Variants in TMCC3 observed in about 807,000 individuals in gnomAD.
The protein encoded by TMCC3 is transmembrane and coiled-coil domain protein 3.
TMCC3 carries 28 observed loss-of-function variants against 40.2 expected under a neutral mutation model. The observed-to-expected ratio is 0.70, with a 90% confidence interval of 0.52 to 0.95. TMCC3 has a LOEUF of 0.95. Ranked by LOEUF, TMCC3 falls within the 40% of genes least tolerant of loss-of-function variation. The probability of loss-of-function intolerance (pLI) is 0.00; values close to 1 mark genes in which losing one functional copy is unlikely to be tolerated. For synonymous variants in TMCC3, 255 were observed against 248.5 expected (o/e 1.03, Z -0.25); for missense variants, 554 against 615.2 (o/e 0.90, Z 1.05).
intron 3 of TMCC3, among the ~76,000 whole-genome samples, chr12:94,574,974 T>C (rs528614123): frequency 1.3e-5 from 2 of 152,318 alleles, no homozygotes; most frequent in Non-Finnish European, 2.9e-5. Flanking sequence ...TCCAAGGAAT[T>C]TGAGTCACAG....
intron 3 of TMCC3, among the ~76,000 whole-genome samples, chr12:94,572,669 C>T (rs992455582): frequency 2.0e-5 from 3 of 152,096 alleles, no homozygotes; most frequent in Non-Finnish European, 4.4e-5. Flanking sequence ...TTGGTGCCAT[C>T]AGGGACAAAG....
chr12:94,627,103 C>A (rs1173034838), intron 1 of TMCC3, among the ~76,000 whole-genome samples: 1 of 152,162 alleles, frequency 6.6e-6, no homozygotes, highest in Non-Finnish European at 1.5e-5. Context: ...CTCAAGTGAT[C>A]TGCCCACCTC....
chr12:94,578,454 C>G lies in TMCC3; in HGVS notation c.1071G>C (p.Glu357Asp). Residue 357 changes from glutamate to aspartate, a missense_variant, in exon 3 of 4, where the codon GAG (glutamate) becomes GAC (aspartate). By Grantham distance (45) the Glu-to-Asp change is conservative (BLOSUM62 2). Coordinates refer to ENST00000261226, the MANE Select transcript of TMCC3 (RefSeq NM_020698.4). Reference protein sequence around the residue: ...HQHETANLKQELASIEEKVAY... With the variant: ...HQHETANLKQDLASIEEKVAY... ...CCACCTTCTCCTCAATGCTGGCCAGCTCCTGCTTCAGGTTGGCTGTCTCAT... is the reference window on the plus strand; with the variant it reads ...CCACCTTCTCCTCAATGCTGGCCAGGTCCTGCTTCAGGTTGGCTGTCTCAT... 6.2e-7 allele frequency: 1 copy of G among 1,614,198 alleles called. No individual in the cohort carries two copies. Among genetic ancestry groups the G allele is most frequent in the Non-Finnish European group, 8.5e-7 (1 of 1,180,026 alleles).
chr12:94,629,245 G>A (rs865998417), intron 1 of TMCC3, among the ~76,000 whole-genome samples: 27 of 152,130 alleles, frequency 1.8e-4, no homozygotes, highest in African/African-American at 5.8e-4. Flanking sequence ...AACAACAAGA[G>A]ACATCCCTGC....
intron 1 of TMCC3, among the ~76,000 whole-genome samples, chr12:94,612,504 G>T (rs961624599): frequency 2.6e-5 from 4 of 151,934 alleles, no homozygotes; most frequent in Non-Finnish European, 5.9e-5. Context: ...TAGAGACGAG[G>T]TTTCACCATG....
chr12:94,579,178 GCC>G (rs2068585603), intron 2 of TMCC3, among the ~76,000 whole-genome samples: 1 of 152,158 alleles, frequency 6.6e-6, no homozygotes. Context: ...TCATTCCTGT[GCC>G]CTGCCCCTCT....
chr12:94,581,417 T>C (rs1949777095), intron 2 of TMCC3, among the ~76,000 whole-genome samples: 1 of 152,194 alleles, frequency 6.6e-6, no homozygotes, highest in African/African-American at 2.4e-5. Context: ...TCCATATTTA[T>C]TGAAAATGTA....
intron 2 of TMCC3, among the ~76,000 whole-genome samples, chr12:94,579,103 A>T (rs1330034164): frequency 6.6e-6 from 1 of 152,272 alleles, no homozygotes; most frequent in Non-Finnish European, 1.5e-5. Context: ...ATTACAAATT[A>T]TAGATGGTTC....
chr12:94,616,186 G>A, intron 1 of TMCC3: 4 of 768,574 alleles, frequency 5.2e-6, no homozygotes, highest in Non-Finnish European at 6.3e-6. Flanking sequence ...TGTACAAATG[G>A]GCTCTTTGTG....
chr12:94,572,733 T>C (rs1449147818), intron 3 of TMCC3, among the ~76,000 whole-genome samples: 3 of 151,646 alleles, frequency 2.0e-5, no homozygotes, highest in Non-Finnish European at 4.4e-5. Context: ...AGCCAAGGAG[T>C]GTGTGGGATC....
rs2068884050 is a variant in TMCC3, at chr12:94,623,048, G to A, written c.78+27305C>T. 2.0e-5 allele frequency among the ~76,000 whole-genome samples: 3 copies of A among 152,122 alleles called. No individual in the cohort carries two copies. In the South Asian group the frequency reaches 6.2e-4, roughly 32 times the overall value. On this transcript the variant is annotated intron_variant, in intron 1 of 3. Coordinates refer to ENST00000261226, the MANE Select transcript of TMCC3 (RefSeq NM_020698.4). ...TTACTTTTCTTCTTCTTCTAGGCAA[G>A]CTTTCTGAAATTTGAGTAGCTGTTT...
chr12:94,608,248 G>T (rs2068794988), intron 1 of TMCC3, among the ~76,000 whole-genome samples: 1 of 152,162 alleles, frequency 6.6e-6, no homozygotes, highest in Non-Finnish European at 1.5e-5. Context: ...AAGACAAACA[G>T]ATTTGGGTAA....
intron 1 of TMCC3, among the ~76,000 whole-genome samples, chr12:94,593,535 T>A (rs2068696701): frequency 6.6e-6 from 1 of 151,452 alleles, no homozygotes; most frequent in Non-Finnish European, 1.5e-5. Context: ...TAGGGATCAT[T>A]TGGAACAGGG....
intron 1 of TMCC3, among the ~76,000 whole-genome samples, chr12:94,648,638 T>C (rs2069034489): frequency 6.6e-6 from 1 of 152,224 alleles, no homozygotes; most frequent in African/African-American, 2.4e-5. Flanking sequence ...ACTCTGCAGT[T>C]ACCTTACACA....
chr12:94,588,008 C>T (rs2068648141), intron 1 of TMCC3, among the ~76,000 whole-genome samples: 1 of 152,168 alleles, frequency 6.6e-6, no homozygotes, highest in Admixed American at 6.5e-5. Context: ...CCACTGTCAC[C>T]CCAATGCTCT....
intron 1 of TMCC3, chr12:94,598,881 C>CCAAA: frequency 1.5e-6 from 1 of 655,390 alleles, no homozygotes; most frequent in Non-Finnish European, 1.9e-6. Context: ...TTCTTAGAAC[C>CCAAA]TAAGTCTGTA....
chr12:94,582,914 C>A (rs1438559152), intron 1 of TMCC3, among the ~76,000 whole-genome samples: 1 of 150,548 alleles, frequency 6.6e-6, no homozygotes, highest in Non-Finnish European at 1.5e-5. Context: ...AACTTCACCA[C>A]TATGGGGAAC....
intron 1 of TMCC3, among the ~76,000 whole-genome samples, chr12:94,625,782 A>G (rs1268502635): frequency 6.6e-6 from 1 of 152,158 alleles, no homozygotes; most frequent in Admixed American, 6.5e-5. Flanking sequence ...AGCAGTCACT[A>G]CTGTACTGAC....
chr12:94,631,504 C>T (rs2068933399), intron 1 of TMCC3, among the ~76,000 whole-genome samples: 1 of 152,120 alleles, frequency 6.6e-6, no homozygotes, highest in Admixed American at 6.6e-5. Flanking sequence ...AGACGGCCAC[C>T]TACAAGCCCA....
Sources: allele counts gnomAD v4.1 joint callset (sites outside exome capture counted in the v4.1 genomes callset), GRCh38; gene constraint gnomAD v4.1.1; transcripts MANE v1.5; gene names NCBI Gene and HGNC (gene_info 2026-07-23, HGNC 2026-07-21).